PRIM2: variants seen among roughly 807,000 people sequenced by gnomAD.
PRIM2 encodes the protein DNA primase subunit 2.
Under a neutral mutation model 67.3 loss-of-function variants are expected in PRIM2, and 39 were observed. That is an observed-to-expected ratio of 0.58 (90% CI 0.45 to 0.76). The LOEUF (loss-of-function observed/expected upper bound fraction) is 0.76. Ranked by LOEUF, PRIM2 falls within the 30% of genes least tolerant of loss-of-function variation. The pLI, the probability that PRIM2 is intolerant of heterozygous loss-of-function variation, is 0.00. For synonymous variants in PRIM2, 143 were observed against 198.7 expected, an observed-to-expected ratio of 0.72 and a Z score of 2.36; for missense variants, 398 against 598.7, an observed-to-expected ratio of 0.66 and a Z score of 3.50.
intron 12 of PRIM2, among the ~76,000 whole-genome samples, chr6:57,616,290 T>C (rs1776755960): frequency 6.6e-6 from 1 of 152,206 alleles, no homozygotes; most frequent in African/African-American, 2.4e-5. Context: ...ATCCCTATTT[T>C]ACAGATGAGA....
intron 12 of PRIM2, among the ~76,000 whole-genome samples, chr6:57,609,039 C>T (rs1200441696): frequency 3.3e-5 from 5 of 152,112 alleles, no homozygotes; most frequent in Non-Finnish European, 7.3e-5. Context: ...GAAAGGAGGA[C>T]TGGATTTTTA....
chr6:57,273,135 G>T, the PRIM2 span, among the ~76,000 whole-genome samples: 6 of 152,010 alleles, frequency 3.9e-5, no homozygotes, highest in African/African-American at 1.4e-4. Flanking sequence ...GAGTATCTTT[G>T]TGGCGTTCTC....
At chr6:57,598,075 CTTGAAGATT>C (rs1484434152) in intron 10 of PRIM2, among the ~76,000 whole-genome samples, 3 of 152,104 alleles carry the variant, frequency 2.0e-5, no homozygotes, top group Non-Finnish European at 4.4e-5. Context: ...GAGTGAGAAC[CTTGAAGATT>C]TTGCCCTTTG....
In PRIM2 at chr6:57,373,178, C is replaced by G. The variant is rs1769623368; in HGVS notation, c.460-6723C>G. On this transcript the variant is annotated intron_variant, in intron 5 of 13. Transcript: ENST00000615550. ...TTCTGACTGGTGTGAGATGGTACCTCATTGTGGTTTTGATTTGCATTTGTC... is the reference window on the plus strand; with the variant it reads ...TTCTGACTGGTGTGAGATGGTACCTGATTGTGGTTTTGATTTGCATTTGTC... 1.3e-5 allele frequency among the ~76,000 whole-genome samples: 2 copies of G among 151,978 alleles called. 1 individual carries two copies. Among genetic ancestry groups the G allele is most frequent in the Admixed American group, 1.3e-4 (2 of 15,266 alleles).
chr6:57,546,640 G>A (rs1332035522), intron 10 of PRIM2, among the ~76,000 whole-genome samples: 8 of 151,936 alleles, frequency 5.3e-5, no homozygotes, highest in African/African-American at 1.7e-4. Flanking sequence ...TGGGATTGTT[G>A]TGGTTTTGAC....
At chr6:57,507,868 A>G (rs1398535492) in intron 8 of PRIM2, among the ~76,000 whole-genome samples, 1 of 152,364 alleles carries the variant, frequency 6.6e-6, no homozygotes, top group Admixed American at 6.5e-5. Flanking sequence ...TAGAAAATAC[A>G]GGAAAGGAAA....
chr6:57,626,541 G>A (rs1366144747), intron 12 of PRIM2, among the ~76,000 whole-genome samples: 100 of 151,222 alleles, frequency 6.6e-4, no homozygotes, highest in African/African-American at 2.3e-3. Flanking sequence ...AATTCATCTT[G>A]AGGATGAAAT....
intron 9 of PRIM2, among the ~76,000 whole-genome samples, chr6:57,533,003 A>G (rs1280266981): frequency 6.6e-6 from 1 of 151,938 alleles, no homozygotes; most frequent in East Asian, 1.9e-4. Context: ...TTCTTTTTGT[A>G]AGGACACTGA....
chr6:57,233,626 C>T, the PRIM2 span, among the ~76,000 whole-genome samples: 28 of 128,712 alleles, frequency 2.2e-4, no homozygotes, highest in African/African-American at 7.8e-4. Context: ...CCCTCCTTCC[C>T]TTTCCTCCCT....
At chr6:57,483,390 G>C in intron 7 of PRIM2, among the ~76,000 whole-genome samples, 1 of 152,258 alleles carries the variant, frequency 6.6e-6, no homozygotes. Flanking sequence ...ACCAGTGGTT[G>C]TTACAAAAGG....
chr6:57,315,962 T>A (rs1288000951), upstream of PRIM2, among the ~76,000 whole-genome samples: 2 of 152,216 alleles, frequency 1.3e-5, no homozygotes, highest in African/African-American at 2.4e-5. Flanking sequence ...TGTATTTGTA[T>A]TACGTATTTG....
intron 7 of PRIM2, among the ~76,000 whole-genome samples, chr6:57,422,197 C>T (rs1443266143): frequency 2.6e-5 from 3 of 114,892 alleles, no homozygotes; most frequent in Non-Finnish European, 3.4e-5. Context: ...CTCAGTCGCC[C>T]AGGCTGGAAT....
At chr6:57,596,961 C>T (rs1776377573) in intron 10 of PRIM2, among the ~76,000 whole-genome samples, 2 of 151,594 alleles carry the variant, frequency 1.3e-5, no homozygotes, top group African/African-American at 4.8e-5. Flanking sequence ...AGTTAAAATC[C>T]CTTGAAGCAT....
Position 57,467,129 on chromosome 6 carries a change from A to G in PRIM2, c.694-40258A>G, listed in dbSNP as rs1341527695. 4.2e-3 allele frequency among the ~76,000 whole-genome samples: 603 copies of G among 142,998 alleles called. 6 individuals carry two copies. The highest frequency in any genetic ancestry group is 0.014 in the African/African-American group (575 of 40,058). The allele number at this position is 142,998 out of a possible 152,430, so 93.8% of individuals were successfully genotyped here. A position where few individuals can be genotyped will look rare whatever the true frequency, so the allele number is the denominator to read the frequency against. On this transcript the variant is annotated intron_variant, in intron 7 of 13. Transcript: ENST00000615550. ...TCAAAAAAAAAAAAAAAGAAAAGAAAAAAAGATCCCATTTGTTAGTTTTGG... is the reference window on the plus strand; with the variant it reads ...TCAAAAAAAAAAAAAAAGAAAAGAAGAAAAGATCCCATTTGTTAGTTTTGG...
intron 7 of PRIM2, among the ~76,000 whole-genome samples, chr6:57,443,305 A>T (rs1772261274): frequency 6.6e-6 from 1 of 152,102 alleles, no homozygotes; most frequent in Admixed American, 6.5e-5. Flanking sequence ...TTCTATTTTT[A>T]GTTTTTTGAG....
chr6:57,385,124 A>C (rs1770096532), intron 7 of PRIM2, among the ~76,000 whole-genome samples: 1 of 152,260 alleles, frequency 6.6e-6, no homozygotes, highest in East Asian at 1.9e-4. Flanking sequence ...AAAATTTTAC[A>C]ATTTTTTTCT....
chr6:57,445,497 A>G (rs974055941), intron 7 of PRIM2, among the ~76,000 whole-genome samples: 6 of 152,104 alleles, frequency 3.9e-5, no homozygotes, highest in African/African-American at 1.2e-4. Context: ...TTACACTGCT[A>G]TCTTCATTGT....
At chr6:57,473,310 T>C (rs1447524609) in intron 7 of PRIM2, among the ~76,000 whole-genome samples, 1 of 152,178 alleles carries the variant, frequency 6.6e-6, no homozygotes, top group Non-Finnish European at 1.5e-5. Flanking sequence ...AAAGCATTAA[T>C]CAAAAAGTAT....
intron 10 of PRIM2, among the ~76,000 whole-genome samples, chr6:57,559,248 A>G (rs1244917327): frequency 6.6e-6 from 1 of 152,128 alleles, no homozygotes; most frequent in Non-Finnish European, 1.5e-5. Context: ...TTTTGGTAGC[A>G]TGCTTAAAGT....
Sources: allele counts gnomAD v4.1 joint callset (sites outside exome capture counted in the v4.1 genomes callset), GRCh38; gene constraint gnomAD v4.1.1; transcripts MANE v1.5; gene names NCBI Gene and HGNC (gene_info 2026-07-23, HGNC 2026-07-21).